Variants in CSMD1 observed in about 807,000 individuals in gnomAD.
CSMD1 encodes the protein CUB and sushi domain-containing protein 1.
A neutral mutation model predicts 417.5 loss-of-function variants in CSMD1; 213 were observed. The ratio of observed to expected loss-of-function variants is 0.51; its 90% CI spans 0.46 to 0.57. The LOEUF (loss-of-function observed/expected upper bound fraction) is 0.57, where lower values mean the gene tolerates loss of function less well. CSMD1 is among the 20% of genes least tolerant of loss of function. CSMD1 has a pLI of 0.00. For missense variants in CSMD1, 6,923 were observed against 4,529.7 expected (o/e 1.53, Z -15.17); for synonymous variants, 2,862 against 1,736.8 (o/e 1.65, Z -16.11).
At chr8:4,845,411 T>A (rs1028077741) in intron 1 of CSMD1, among the ~76,000 whole-genome samples, 1 of 152,216 alleles carries the variant, frequency 6.6e-6, no homozygotes, top group African/African-American at 2.4e-5. Flanking sequence ...TATCCATTGC[T>A]CTCATTGAGA....
At chr8:4,894,009 G>C (rs1328173308) in intron 1 of CSMD1, among the ~76,000 whole-genome samples, 4 of 151,750 alleles carry the variant, frequency 2.6e-5, no homozygotes, top group Non-Finnish European at 5.9e-5. Context: ...GTTATGTATA[G>C]ATACCTTTGG....
chr8:4,312,410 T>C (rs997945158), intron 3 of CSMD1, among the ~76,000 whole-genome samples: 8 of 124,626 alleles, frequency 6.4e-5, no homozygotes, highest in Non-Finnish European at 9.1e-5. Flanking sequence ...TATATATGCG[T>C]GTATATATAT....
chr8:3,602,977 C>G (rs1222348010), intron 8 of CSMD1, among the ~76,000 whole-genome samples: 1 of 152,096 alleles, frequency 6.6e-6, no homozygotes, highest in African/African-American at 2.4e-5. Context: ...TTTTCTACTA[C>G]AGATATTGAA....
intron 12 of CSMD1, among the ~76,000 whole-genome samples, chr8:3,430,424 T>C (rs1378569936): frequency 3.3e-5 from 5 of 152,254 alleles, no homozygotes; most frequent in African/African-American, 9.6e-5. Flanking sequence ...GCTGAACAAA[T>C]TGTCTGACAT....
Position 3,931,356 on chromosome 8 carries a change from C to T in CSMD1, c.818+66547G>A, listed in dbSNP as rs1479663384. Reference sequence around the variant, plus strand: ...AGAAAAGGGCCACTCTCTCTCCCTCCCTCATTTCTCAGGCTTCTATTTGAA... The same window carrying T: ...AGAAAAGGGCCACTCTCTCTCCCTCTCTCATTTCTCAGGCTTCTATTTGAA... On this transcript the variant is annotated intron_variant, in intron 5 of 69. Transcript: ENST00000635120. Among the ~76,000 whole-genome samples, 6 of 150,434 alleles carry T rather than the reference C, an allele frequency of 4.0e-5. 1 individual carries two copies. Among genetic ancestry groups the T allele is most frequent in the Non-Finnish European group, 8.9e-5 (6 of 67,558 alleles).
At chr8:4,351,789 C>G (rs1464177870) in intron 3 of CSMD1, among the ~76,000 whole-genome samples, 1 of 152,046 alleles carries the variant, frequency 6.6e-6, no homozygotes, top group East Asian at 1.9e-4. Context: ...ATTTTGTGCA[C>G]TTGGAATCCA....
intron 5 of CSMD1, among the ~76,000 whole-genome samples, chr8:3,941,519 G>C (rs1378342335): frequency 6.6e-6 from 1 of 152,054 alleles, no homozygotes; most frequent in Non-Finnish European, 1.5e-5. Flanking sequence ...ATTTAAATGT[G>C]CTTAGTTTTA....
chr8:3,971,240 C>G (rs1277390366), intron 5 of CSMD1, among the ~76,000 whole-genome samples: 1 of 152,154 alleles, frequency 6.6e-6, no homozygotes, highest in Non-Finnish European at 1.5e-5. Flanking sequence ...ACCATGCGCA[C>G]TTCTGCCTGA....
At chr8:3,807,321 T>A (rs1460377132) in intron 5 of CSMD1, among the ~76,000 whole-genome samples, 2 of 152,162 alleles carry the variant, frequency 1.3e-5, no homozygotes, top group Non-Finnish European at 2.9e-5. Flanking sequence ...GTATCTGGTT[T>A]TGTACTTGAC....
At chr8:3,361,982 C>G (rs987664238) in intron 20 of CSMD1, among the ~76,000 whole-genome samples, 2 of 152,142 alleles carry the variant, frequency 1.3e-5, no homozygotes, top group African/African-American at 4.8e-5. Context: ...GCATGTTCAT[C>G]TTTGTCTAAC....
chr8:4,246,082 A>T (rs1802692239), intron 3 of CSMD1, among the ~76,000 whole-genome samples: 2 of 152,064 alleles, frequency 1.3e-5, no homozygotes, highest in African/African-American at 4.8e-5. Flanking sequence ...TACTTAAGTA[A>T]ACTTATGTCA....
chr8:4,714,214 G>T (rs370068444), intron 1 of CSMD1, among the ~76,000 whole-genome samples: 1 of 152,034 alleles, frequency 6.6e-6, no homozygotes, highest in African/African-American at 2.4e-5. Flanking sequence ...CCGTGTTGAC[G>T]CCTCCTCTGT....
intron 2 of CSMD1, among the ~76,000 whole-genome samples, chr8:4,473,263 G>C (rs1265407129): frequency 6.6e-6 from 1 of 152,030 alleles, no homozygotes; most frequent in Non-Finnish European, 1.5e-5. Context: ...AACTCTCATG[G>C]TTACATTTTC....
intron 6 of CSMD1, among the ~76,000 whole-genome samples, chr8:3,718,264 T>C (rs771453870): frequency 2.6e-5 from 4 of 151,576 alleles, no homozygotes; most frequent in Non-Finnish European, 5.9e-5. Flanking sequence ...GCAGCTCCCA[T>C]TGTCAGCTTA....
intron 7 of CSMD1, among the ~76,000 whole-genome samples, chr8:3,665,097 C>A (rs964514561): frequency 9.2e-5 from 14 of 152,052 alleles, no homozygotes; most frequent in African/African-American, 3.4e-4. Context: ...AAGAGGTTAA[C>A]AATGCTTATA....
intron 3 of CSMD1, among the ~76,000 whole-genome samples, chr8:4,257,273 T>C (rs1267985371): frequency 6.6e-6 from 1 of 152,212 alleles, no homozygotes; most frequent in African/African-American, 2.4e-5. Context: ...AGTCTTTCTG[T>C]ACCCTTTCTG....
At chr8:4,529,998 C>T (rs528222068) in intron 2 of CSMD1, among the ~76,000 whole-genome samples, 7 of 151,948 alleles carry the variant, frequency 4.6e-5, no homozygotes, top group East Asian at 1.9e-4. Context: ...CACTGCAAGC[C>T]CCGCCTTCCG....
intron 54 of CSMD1, among the ~76,000 whole-genome samples, chr8:2,996,561 C>A (rs1271491637): frequency 6.6e-6 from 1 of 152,220 alleles, no homozygotes; most frequent in Non-Finnish European, 1.5e-5. Flanking sequence ...AGTCCTGCGG[C>A]CTCCACAAAG....
At chr8:4,754,544 GTT>G (rs34906339) in intron 1 of CSMD1, among the ~76,000 whole-genome samples, 1 of 145,426 alleles carries the variant, frequency 6.9e-6, no homozygotes, top group Admixed American at 6.9e-5. Context: ...TGCACACTTT[GTT>G]TTTTTTTTTT....
Sources: gnomAD v4.1 joint callset for allele counts (sites outside exome capture counted in the v4.1 genomes callset) on GRCh38, gnomAD v4.1.1 for gene constraint, MANE v1.5 for transcripts, NCBI Gene and HGNC (gene_info 2026-07-23, HGNC 2026-07-21) for gene names.